Variants in MORC3 observed in about 807,000 individuals in gnomAD.
MORC3 encodes MORC family CW-type zinc finger 3.
MORC3 carries 31 observed loss-of-function variants against 109.1 expected under a neutral mutation model. That is an observed-to-expected ratio of 0.28 (90% CI 0.21 to 0.38). The LOEUF (loss-of-function observed/expected upper bound fraction) is 0.38, where lower values mean the gene tolerates loss of function less well. MORC3 is among the 10% of genes least tolerant of loss of function. The pLI is 1.00. For synonymous variants in MORC3, 395 were observed against 380.7 expected (o/e 1.04, Z -0.44); for missense variants, 867 against 1,135.8 (o/e 0.76, Z 3.40).
At chr21:36,325,061 A>G (rs2085234418) in intron 1 of MORC3, among the ~76,000 whole-genome samples, 1 of 152,180 alleles carries the variant, frequency 6.6e-6, no homozygotes, top group African/African-American at 2.4e-5. Flanking sequence ...AAATTTTCAT[A>G]CATGAATAGA....
At chr21:36,353,407 C>T (rs1040642801) in intron 9 of MORC3, among the ~76,000 whole-genome samples, 16 of 148,846 alleles carry the variant, frequency 1.1e-4, no homozygotes, top group Middle Eastern at 3.5e-3. Context: ...TGGCTCAGGC[C>T]GGTGCGGTGG....
intron 2 of MORC3, among the ~76,000 whole-genome samples, chr21:36,334,916 A>G (rs1356757295): frequency 1.3e-5 from 2 of 152,098 alleles, no homozygotes; most frequent in Non-Finnish European, 2.9e-5. Context: ...GGATCACATG[A>G]GCCCAGGAGT....
chr21:36,360,589 C>G, intron 12 of MORC3: 1 of 320,438 alleles, frequency 3.1e-6, no homozygotes, highest in Non-Finnish European at 5.9e-6. Flanking sequence ...ATGAATTTTA[C>G]CAGTTACGTG....
At chr21:36,374,154 A>G (rs2085902498) in intron 16 of MORC3, among the ~76,000 whole-genome samples, 1 of 152,058 alleles carries the variant, frequency 6.6e-6, no homozygotes, top group Non-Finnish European at 1.5e-5. Flanking sequence ...CAGTTGCATA[A>G]TCTCGGCTCA....
intron 8 of MORC3, among the ~76,000 whole-genome samples, chr21:36,348,740 G>T (rs563040917): frequency 6.6e-6 from 1 of 152,152 alleles, no homozygotes; most frequent in Non-Finnish European, 1.5e-5. Flanking sequence ...TAACATTGGG[G>T]ATGTTAATAC....
At chr21:36,370,633 ATATATATTTTTTTTTTTTTTTTTTTT>A (rs2085849289) in intron 15 of MORC3, among the ~76,000 whole-genome samples, 2 of 46,480 alleles carry the variant, frequency 4.3e-5, no homozygotes, top group African/African-American at 1.7e-4. Flanking sequence ...ATATATATAT[ATATATATTTTTTTTTTTTTTTTTTTT>A]TTTTTTTTTT....
chr21:36,353,666 G>A (rs886783428), intron 9 of MORC3, among the ~76,000 whole-genome samples: 3 of 150,418 alleles, frequency 2.0e-5, no homozygotes, highest in Non-Finnish European at 2.9e-5. Context: ...TGCAACCTCC[G>A]CCTCCTGGGT....
Position 36,337,956 on chromosome 21 carries a change from T to C in MORC3, c.460+10T>C, listed in dbSNP as rs1237226819. On this transcript the variant is annotated intron_variant, in intron 4 of 16. Transcript: ENST00000400485. Reference sequence around the variant, plus strand: ...GCATTCAACAAGCACCATATCCTTTTGGTTGTGAAATAAAAGCTGTGGAGA... The same window carrying C: ...GCATTCAACAAGCACCATATCCTTTCGGTTGTGAAATAAAAGCTGTGGAGA... 6.2e-7 allele frequency: 1 copy of C among 1,610,242 alleles called. No homozygotes were observed. The highest frequency in any genetic ancestry group is 1.1e-5 in the South Asian group (1 of 90,292).
intron 9 of MORC3, among the ~76,000 whole-genome samples, chr21:36,350,321 C>T (rs75240025): frequency 0.014 from 2,120 of 151,908 alleles, 51 homozygotes; most frequent in African/African-American, 0.049. Context: ...AAAAAAAGAC[C>T]ACGTACAGTG....
intron 14 of MORC3, among the ~76,000 whole-genome samples, chr21:36,368,765 T>C (rs1601541303): frequency 6.6e-6 from 1 of 152,022 alleles, no homozygotes; most frequent in East Asian, 1.9e-4. Flanking sequence ...TAATCCCAGC[T>C]CCTCAGGAGG....
Position 36,356,604 on chromosome 21 carries a change from T to C in MORC3, c.1104-16T>C, listed in dbSNP as rs1358290990. The C allele has an allele frequency of 5.2e-6, 8 of 1,536,836 alleles. No individual in the cohort carries two copies. The highest frequency in any genetic ancestry group is 7.1e-6 in the Non-Finnish European group (8 of 1,130,824). On this transcript the variant is annotated splice_polypyrimidine_tract_variant and intron_variant, in intron 9 of 16. Coordinates refer to ENST00000400485, the MANE Select transcript of MORC3 (RefSeq NM_015358.3). ...TGAAAAGAATTTTTTCTTGATTTTATGATTTACTTTTTAAGACTTACAATA... is the reference window on the plus strand; with the variant it reads ...TGAAAAGAATTTTTTCTTGATTTTACGATTTACTTTTTAAGACTTACAATA...
chr21:36,340,351 A>G (rs1413341071), intron 5 of MORC3, among the ~76,000 whole-genome samples: 6 of 151,824 alleles, frequency 4.0e-5, no homozygotes, highest in East Asian at 1.9e-4. Flanking sequence ...TACAGTCAAG[A>G]TGCAGGACAC....
intron 16 of MORC3, among the ~76,000 whole-genome samples, chr21:36,373,651 G>A (rs2085896929): frequency 6.6e-6 from 1 of 151,004 alleles, no homozygotes; most frequent in African/African-American, 2.4e-5. Context: ...GTATGGGAAC[G>A]ATTAAAGTAT....
In MORC3 at chr21:36,370,543, A is replaced by G. The variant is rs535003028; in HGVS notation, c.2508+667A>G. On this transcript the variant is annotated intron_variant, in intron 15 of 16. Transcript: ENST00000400485. ...ATGGAGTCATTCATTTTTCTAGATT[A>G]TGTCTTTCAAGATTCCTGAGAGAAA... 4.2e-5 allele frequency among the ~76,000 whole-genome samples: 6 copies of G among 143,142 alleles called. No homozygotes were observed. The South Asian group carries it at 1.3e-3, about 31-fold the overall frequency. The allele number at this position is 143,142 out of a possible 152,430, so 93.9% of individuals were successfully genotyped here.
intron 1 of MORC3, among the ~76,000 whole-genome samples, chr21:36,330,562 A>G (rs2085303530): frequency 6.6e-6 from 1 of 152,184 alleles, no homozygotes; most frequent in Non-Finnish European, 1.5e-5. Context: ...CCTCAGGCAC[A>G]TGTTCTCAGG....
intron 16 of MORC3, among the ~76,000 whole-genome samples, chr21:36,374,575 G>C (rs2085907971): frequency 6.6e-6 from 1 of 152,104 alleles, no homozygotes; most frequent in African/African-American, 2.4e-5. Context: ...ATGCTTGATT[G>C]AGCCCAGGAG....
At position 36,320,297 on chromosome 21, in the gene MORC3, C is replaced by T. The variant is rs894607441; in HGVS notation, c.33C>T (p.Leu11=). The change falls in exon 1 of 17, where the codon CTC becomes CTT. Residue 11 remains leucine, a synonymous_variant. Coordinates refer to ENST00000400485, the MANE Select transcript of MORC3 (RefSeq NM_015358.3). MAAQPPRGIR[L]SALCPKFLHT... ...CGCAGCCACCCCGCGGGATACGCCTCAGCGCGGTGAGCAGCCGCGAGGGGT... is the reference window on the plus strand; with the variant it reads ...CGCAGCCACCCCGCGGGATACGCCTTAGCGCGGTGAGCAGCCGCGAGGGGT... 1 of 1,561,784 alleles carries T rather than the reference C, an allele frequency of 6.4e-7. No individual in the cohort carries two copies. Among genetic ancestry groups the T allele is most frequent in the Non-Finnish European group, 8.7e-7 (1 of 1,155,070 alleles).
intron 7 of MORC3, 73 bp downstream of exon 7, chr21:36,344,780 G>A (rs2085489513): frequency 6.3e-6 from 10 of 1,588,638 alleles, no homozygotes; most frequent in Non-Finnish European, 8.6e-6. Flanking sequence ...CCCCTTATAT[G>A]CTGATAGGGA....
At chr21:36,333,767 G>GTT (rs367762969) in intron 2 of MORC3, 49 bp downstream of exon 2, 757 of 907,394 alleles carry the variant, frequency 8.3e-4, no homozygotes, top group African/African-American at 2.7e-3. Context: ...CAATTGTAGT[G>GTT]TTTTTTTTTT....
Sources: gnomAD v4.1 joint callset for allele counts (sites outside exome capture counted in the v4.1 genomes callset) on GRCh38, gnomAD v4.1.1 for gene constraint, MANE v1.5 for transcripts, NCBI Gene and HGNC (gene_info 2026-07-23, HGNC 2026-07-21) for gene names.